Variants in WWOX observed in about 807,000 individuals in gnomAD.
WWOX encodes the protein WW domain containing oxidoreductase, also known as WW domain-containing oxidoreductase.
In WWOX, 69 loss-of-function variants were observed where a neutral mutation model predicts 46.2. The ratio of observed to expected loss-of-function variants is 1.49; its 90% CI spans 1.23 to 1.82. The LOEUF (loss-of-function observed/expected upper bound fraction) is 1.82. Among genes scored for constraint, WWOX ranks in the 40% most tolerant of loss-of-function variants. The pLI, the probability that WWOX is intolerant of heterozygous loss-of-function variation, is 0.00. For synonymous variants in WWOX, 359 were observed against 202.6 expected (o/e 1.77, Z -6.56); for missense variants, 919 against 542.6 (o/e 1.69, Z -6.89).
At chr16:78,981,011 C>T (rs560712404) in intron 8 of WWOX, among the ~76,000 whole-genome samples, 17 of 152,212 alleles carry the variant, frequency 1.1e-4, no homozygotes, top group South Asian at 6.2e-4. Flanking sequence ...TGCTAAGAAG[C>T]GCTGTGTTGC....
At chr16:78,292,138 C>T (rs2079870630) in intron 5 of WWOX, among the ~76,000 whole-genome samples, 1 of 149,214 alleles carries the variant, frequency 6.7e-6, no homozygotes, top group Non-Finnish European at 1.5e-5. Flanking sequence ...GCAATCTCAG[C>T]TCATTAACCT....
chr16:78,581,378 A>G (rs996411010), intron 8 of WWOX, among the ~76,000 whole-genome samples: 2 of 152,212 alleles, frequency 1.3e-5, no homozygotes, highest in Non-Finnish European at 2.9e-5. Context: ...ATATGAATAG[A>G]TAATACAGAA....
At position 78,675,687 on chromosome 16, in the gene WWOX, C is replaced by T. The variant is rs535957662; in HGVS notation, c.1056+242935C>T. ...ATAAATTAAATTTTTAAAAACATGA[C>T]TTTCTGGCCAGGCGCAGTGGCTCAT... On this transcript the variant is annotated intron_variant, in intron 8 of 8. Transcript: ENST00000566780. 2.6e-5 allele frequency among the ~76,000 whole-genome samples: 4 copies of T among 152,258 alleles called. 1 individual carries two copies. Among genetic ancestry groups the T allele is most frequent in the African/African-American group, 9.6e-5 (4 of 41,564 alleles).
At chr16:79,123,582 G>T (rs1442435374) in intron 8 of WWOX, among the ~76,000 whole-genome samples, 1 of 152,040 alleles carries the variant, frequency 6.6e-6, no homozygotes, top group South Asian at 2.1e-4. Flanking sequence ...ACCCAGAAGG[G>T]TCTCATCTAA....
intron 8 of WWOX, among the ~76,000 whole-genome samples, chr16:78,599,021 C>T (rs2045559513): frequency 6.6e-6 from 1 of 152,100 alleles, no homozygotes; most frequent in East Asian, 1.9e-4. Context: ...TGGTTGGACC[C>T]CTAAGTTTGA....
chr16:78,316,621 G>A (rs2080361990), intron 5 of WWOX, among the ~76,000 whole-genome samples: 2 of 152,128 alleles, frequency 1.3e-5, no homozygotes. Context: ...GGGATTATAG[G>A]CCTGAGCCAC....
At chr16:78,622,324 C>A (rs1393558818) in intron 8 of WWOX, among the ~76,000 whole-genome samples, 3 of 152,000 alleles carry the variant, frequency 2.0e-5, no homozygotes, top group Non-Finnish European at 2.9e-5. Flanking sequence ...AGGCAGATCA[C>A]CTGAGGTCAG....
At chr16:78,230,336 C>T (rs1441727366) in intron 5 of WWOX, among the ~76,000 whole-genome samples, 3 of 152,186 alleles carry the variant, frequency 2.0e-5, no homozygotes, top group Non-Finnish European at 4.4e-5. Flanking sequence ...CCTAGTATTT[C>T]AGCTGTGTCC....
intron 8 of WWOX, among the ~76,000 whole-genome samples, chr16:78,769,219 C>T (rs1238380474): frequency 6.6e-6 from 1 of 152,206 alleles, no homozygotes; most frequent in Non-Finnish European, 1.5e-5. Context: ...TGAGTGCTTA[C>T]TATATACCAG....
intron 8 of WWOX, among the ~76,000 whole-genome samples, chr16:79,018,432 C>T (rs878876889): frequency 2.6e-5 from 4 of 152,110 alleles, no homozygotes; most frequent in African/African-American, 4.8e-5. Flanking sequence ...TATCCAAAAG[C>T]GGATTATTGA....
chr16:78,230,654 A>G (rs1377959838), intron 5 of WWOX, among the ~76,000 whole-genome samples: 4 of 152,214 alleles, frequency 2.6e-5, no homozygotes, highest in Non-Finnish European at 5.9e-5. Context: ...AGGTTTTCAA[A>G]TGGAAAAGTT....
chr16:79,133,526 T>C lies in WWOX; in HGVS notation c.1057-78082T>C, dbSNP rs192914715. Among the ~76,000 whole-genome samples, 133 of 152,310 alleles carry C rather than the reference T, an allele frequency of 8.7e-4. 1 individual carries two copies. In the Middle Eastern group the frequency reaches 0.014, roughly 16 times the overall value. Reference sequence around the variant, plus strand: ...CATTTTAGTATATTTAAACTTCAGGTCCTTAAATGTTCTTTTCTTTTTCCT... The same window carrying C: ...CATTTTAGTATATTTAAACTTCAGGCCCTTAAATGTTCTTTTCTTTTTCCT... On this transcript the variant is annotated intron_variant, in intron 8 of 8. Transcript: ENST00000566780.
chr16:78,501,206 T>TTTTTTTTTTG (rs4036022), intron 8 of WWOX, among the ~76,000 whole-genome samples: 1 of 146,330 alleles, frequency 6.8e-6, no homozygotes, highest in African/African-American at 2.5e-5. Context: ...TTTTTTTTTT[T>TTTTTTTTTTG]GAAAAACTTT....
intron 5 of WWOX, among the ~76,000 whole-genome samples, chr16:78,261,736 ATG>A (rs56377450): frequency 0.1 from 13,838 of 138,454 alleles, 993 homozygotes; most frequent in East Asian, 0.17. Flanking sequence ...CCCATTTGCC[ATG>A]TGTGTGTGTG....
intron 5 of WWOX, among the ~76,000 whole-genome samples, chr16:78,352,639 A>C (rs192529219): frequency 1.2e-3 from 181 of 152,330 alleles, no homozygotes; most frequent in Middle Eastern, 3.4e-3. Context: ...AGGTCAGCCA[A>C]TTAGCAATCT....
chr16:78,496,357 C>G (rs535674578), intron 8 of WWOX: 10 of 152,218 alleles, frequency 6.6e-5, no homozygotes, highest in Non-Finnish European at 1.3e-4. Flanking sequence ...GCCAAGTTGG[C>G]AGAGCATGTA....
chr16:78,770,914 G>A (rs918344010), intron 8 of WWOX, among the ~76,000 whole-genome samples: 1 of 152,252 alleles, frequency 6.6e-6, no homozygotes, highest in African/African-American at 2.4e-5. Context: ...AGCGAGGAGC[G>A]TAAGAATTAT....
chr16:78,922,287 A>G (rs776431688), intron 8 of WWOX, among the ~76,000 whole-genome samples: 2 of 152,110 alleles, frequency 1.3e-5, no homozygotes, highest in Non-Finnish European at 2.9e-5. Flanking sequence ...GCCCCATCCT[A>G]AATCACATTA....
intron 8 of WWOX, chr16:79,101,541 C>T (rs551324598): frequency 3.3e-5 from 5 of 152,278 alleles, no homozygotes; most frequent in Non-Finnish European, 7.4e-5. Context: ...AGTGGGTCTA[C>T]AGTGGGTCCT....
Sources: gnomAD v4.1 joint callset for allele counts (sites outside exome capture counted in the v4.1 genomes callset) on GRCh38, gnomAD v4.1.1 for gene constraint, MANE v1.5 for transcripts, NCBI Gene and HGNC (gene_info 2026-07-23, HGNC 2026-07-21) for gene names.